Variants in ABCB11 observed in about 807,000 individuals in gnomAD.
The protein encoded by ABCB11 is ATP binding cassette subfamily B member 11.
In ABCB11, 95 loss-of-function variants were observed where a neutral mutation model predicts 148.0. That is an observed-to-expected ratio of 0.64 (90% confidence interval 0.54 to 0.76). The LOEUF (loss-of-function observed/expected upper bound fraction) is 0.76. Among genes scored for constraint, ABCB11 ranks in the 30% least tolerant of loss-of-function variants. The pLI is 0.00. For missense variants in ABCB11, 1,523 were observed against 1,617.8 expected (o/e 0.94, Z 1.01); for synonymous variants, 591 against 555.4 (o/e 1.06, Z -0.90).
chr2:168,931,088 C>T (rs1029539097), intron 24 of ABCB11, among the ~76,000 whole-genome samples: 1 of 152,112 alleles, frequency 6.6e-6, no homozygotes, highest in African/African-American at 2.4e-5. Flanking sequence ...CATTTGACTC[C>T]CCCTATTCCC....
At chr2:168,918,939 TC>T (rs922682572), downstream of ABCB11, among the ~76,000 whole-genome samples, 3 of 152,318 alleles carry the variant, frequency 2.0e-5, no homozygotes, top group South Asian at 2.1e-4. Flanking sequence ...TTTATTTTTT[TC>T]AATGAAAGAT....
intron 9 of ABCB11, among the ~76,000 whole-genome samples, chr2:168,988,388 A>C (rs1694400316): frequency 6.6e-6 from 1 of 152,076 alleles, no homozygotes. Context: ...ATTTCACTTA[A>C]CATAATGTCC....
chr2:169,027,856 T>C (rs1239151694), intron 1 of ABCB11, among the ~76,000 whole-genome samples: 3 of 152,054 alleles, frequency 2.0e-5, no homozygotes, highest in East Asian at 1.9e-4. Flanking sequence ...TCTTCACCAA[T>C]GGCTGGGATC....
At chr2:168,970,490 C>A (rs1693537398) in intron 14 of ABCB11, 3 of 804,502 alleles carry the variant, frequency 3.7e-6, no homozygotes, top group Non-Finnish European at 5.5e-6. Flanking sequence ...ATTTTTCAAC[C>A]AAAATAAAAA....
Position 168,993,826 on chromosome 2 carries a change from C to G in ABCB11, c.668G>C (p.Arg223Pro), listed in dbSNP as rs773088249. The change falls in exon 8 of 28, where the codon CGC (arginine) becomes CCC (proline). Residue 223 changes from arginine (R) to proline (P), a missense_variant. Coordinates refer to ENST00000650372, the MANE Select transcript of ABCB11 (RefSeq NM_003742.4). ...GAAACCACAGATGGTCGAGGTCATGCGCTGAATGAAAAGGGCCATTTGGTC... is the reference window on the plus strand; with the variant it reads ...GAAACCACAGATGGTCGAGGTCATGGGCTGAATGAAAAGGGCCATTTGGTC... ...IADQMALFIQRMTSTICGFLL... is the reference protein window; with the variant it reads ...IADQMALFIQPMTSTICGFLL... 6.2e-7 allele frequency: 1 copy of G among 1,611,218 alleles called. No individual in the cohort carries two copies. The highest frequency in any genetic ancestry group is 1.3e-5 in the African/African-American group (1 of 74,932).
At chr2:168,981,992 G>A (rs552091346) in intron 10 of ABCB11, among the ~76,000 whole-genome samples, 4 of 152,152 alleles carry the variant, frequency 2.6e-5, no homozygotes, top group African/African-American at 4.8e-5. Flanking sequence ...TCTCTGGATG[G>A]GGAGGAGTGA....
chr2:168,964,894 G>T (rs1175409067), intron 17 of ABCB11, among the ~76,000 whole-genome samples: 1 of 151,808 alleles, frequency 6.6e-6, no homozygotes, highest in Non-Finnish European at 1.5e-5. Context: ...TAATTCAACA[G>T]AAGCTTATTG....
At chr2:169,003,858 T>C (rs545111692) in intron 5 of ABCB11, among the ~76,000 whole-genome samples, 4 of 152,338 alleles carry the variant, frequency 2.6e-5, no homozygotes, top group African/African-American at 9.6e-5. Flanking sequence ...AGTGGCAAGT[T>C]CCCTCAGCAT....
At chr2:169,006,613 T>C (rs1011193302) in intron 5 of ABCB11, among the ~76,000 whole-genome samples, 1 of 151,880 alleles carries the variant, frequency 6.6e-6, no homozygotes, top group African/African-American at 2.4e-5. Flanking sequence ...GAAAGGAAAA[T>C]GTATAGTTAT....
At position 168,923,070 on chromosome 2, in the gene ABCB11, C is replaced by T. The variant is rs1691141216; in HGVS notation, c.*552G>A. On this transcript the variant is annotated 3_prime_UTR_variant, in exon 28 of 28. Transcript: ENST00000650372. ...CATCCACCCTTTCCCTATCCTTAGC[C>T]TTAGAGATGAAGGAAGCTGGTTTCA... 1 of 157,126 alleles carries T rather than the reference C, an allele frequency of 6.4e-6. No homozygotes were observed. The highest frequency in any genetic ancestry group is 1.4e-5 in the Non-Finnish European group (1 of 70,928). 9.7% of individuals were successfully genotyped at this position (157,126 alleles called of 1,614,324 possible).
At chr2:168,933,024 G>C (rs989538421) in intron 23 of ABCB11, among the ~76,000 whole-genome samples, 2 of 151,006 alleles carry the variant, frequency 1.3e-5, no homozygotes, top group African/African-American at 2.4e-5. Context: ...CAGGAGAATG[G>C]TATGAACCTG....
chr2:169,024,496 C>A (rs1695631952), intron 1 of ABCB11, among the ~76,000 whole-genome samples: 1 of 61,782 alleles, frequency 1.6e-5, no homozygotes, highest in African/African-American at 4.7e-5. Flanking sequence ...TACCCCACAC[C>A]CAGTTATTAA....
At chr2:168,956,416 T>C (rs1307983123) in intron 19 of ABCB11, among the ~76,000 whole-genome samples, 18 of 151,734 alleles carry the variant, frequency 1.2e-4, no homozygotes, top group Non-Finnish European at 2.7e-4. Context: ...TGTTCTTCCA[T>C]TGATATCTGT....
At chr2:168,984,605 C>T (rs1694252786) in intron 10 of ABCB11, among the ~76,000 whole-genome samples, 1 of 152,126 alleles carries the variant, frequency 6.6e-6, no homozygotes, top group African/African-American at 2.4e-5. Flanking sequence ...CTTGGACTAT[C>T]ATAAAGCTCA....
At chr2:168,967,757 T>C (rs138207365) in intron 17 of ABCB11, among the ~76,000 whole-genome samples, 6 of 152,052 alleles carry the variant, frequency 3.9e-5, no homozygotes, top group East Asian at 1.9e-4. Flanking sequence ...TTCTTCTTAA[T>C]ACAGACTTGT....
rs1356859208 is a variant in ABCB11 at position 168,932,509 on chromosome 2, A to T, written c.3081T>A (p.Ser1027Arg). 1 of 1,613,608 alleles carries T rather than the reference A, an allele frequency of 6.2e-7. No individual in the cohort carries two copies. Among genetic ancestry groups the T allele is most frequent in the Non-Finnish European group, 8.5e-7 (1 of 1,179,762 alleles). ...AGAAGGCTCTTCCAAGAGCTGTTGC[A>T]CTCAGTACAACTGCAGAGATCACCC... ...VFRVISAVVLSATALGRAFSY... is the reference protein window; with the variant it reads ...VFRVISAVVLRATALGRAFSY... Residue 1027 changes from serine (S) to arginine (R), a missense_variant, in exon 24 of 28, where the codon AGT (serine) becomes AGA (arginine). Physicochemically the swap from Ser to Arg is moderately radical, Grantham distance 110. Coordinates refer to ENST00000650372, the MANE Select transcript of ABCB11 (RefSeq NM_003742.4).
At chr2:168,925,017 G>C (rs987684415) in intron 26 of ABCB11, among the ~76,000 whole-genome samples, 1 of 152,050 alleles carries the variant, frequency 6.6e-6, no homozygotes, top group Non-Finnish European at 1.5e-5. Context: ...GAAGCAAGGG[G>C]ACATTATTCC....
At chr2:168,976,378 C>A (rs1294272594) in intron 12 of ABCB11, among the ~76,000 whole-genome samples, 199 bp downstream of exon 12, 2 of 152,070 alleles carry the variant, frequency 1.3e-5, no homozygotes, top group Admixed American at 6.6e-5. Context: ...AGGGGATTTG[C>A]ACATTATGGT....
chr2:168,981,644 T>C (rs1694140265), intron 10 of ABCB11, among the ~76,000 whole-genome samples: 1 of 152,106 alleles, frequency 6.6e-6, no homozygotes, highest in Non-Finnish European at 1.5e-5. Context: ...TATGGTCCAA[T>C]TTAGTTTAAG....
Sources: allele counts gnomAD v4.1 joint callset (sites outside exome capture counted in the v4.1 genomes callset), GRCh38; gene constraint gnomAD v4.1.1; transcripts MANE v1.5; gene names NCBI Gene and HGNC (gene_info 2026-07-23, HGNC 2026-07-21).